The following PPARGC1A variants were observed in gnomAD, a reference collection of about 807,000 sequenced individuals.
PPARGC1A encodes the protein PPARG coactivator 1 alpha, also known as peroxisome proliferator-activated receptor gamma coactivator 1-alpha.
PPARGC1A carries 25 observed loss-of-function variants against 88.7 expected under a neutral mutation model. The ratio of observed to expected loss-of-function variants is 0.28; its 90% CI spans 0.21 to 0.39. PPARGC1A has a LOEUF of 0.39. Among genes scored for constraint, PPARGC1A ranks in the 10% least tolerant of loss-of-function variants. The probability of loss-of-function intolerance (pLI) is 1.00; values close to 1 mark genes in which losing one functional copy is unlikely to be tolerated. For missense variants in PPARGC1A, 880 were observed against 968.7 expected (o/e 0.91, Z 1.22); for synonymous variants, 363 against 355.6 (o/e 1.02, Z -0.24).
the PPARGC1A span, among the ~76,000 whole-genome samples, chr4:24,000,931 TA>T: frequency 7.9e-5 from 12 of 152,208 alleles, no homozygotes; most frequent in African/African-American, 2.9e-4. Flanking sequence ...CTAAGATGAA[TA>T]AGGGAGCTAC....
At chr4:23,802,616 G>T (rs566652936) in intron 10 of PPARGC1A, among the ~76,000 whole-genome samples, 19 of 146,700 alleles carry the variant, frequency 1.3e-4, no homozygotes, top group African/African-American at 4.3e-4. Context: ...GGCAGAGGTT[G>T]CAGTGAGCTG....
chr4:24,223,611 T>C, the PPARGC1A span, among the ~76,000 whole-genome samples: 1 of 152,194 alleles, frequency 6.6e-6, no homozygotes, highest in Non-Finnish European at 1.5e-5. Flanking sequence ...AATGTATACA[T>C]GTAAAGTGGT....
chr4:24,317,608 A>T, the PPARGC1A span, among the ~76,000 whole-genome samples: 4 of 147,006 alleles, frequency 2.7e-5, no homozygotes, highest in Non-Finnish European at 4.5e-5. Context: ...ACCACCACCA[A>T]AAGGGCTGGC....
At chr4:23,961,276 A>G in the PPARGC1A span, among the ~76,000 whole-genome samples, 1 of 152,096 alleles carries the variant, frequency 6.6e-6, no homozygotes, top group African/African-American at 2.4e-5. Flanking sequence ...TCGAAAGAAG[A>G]AGGTCAAAAT....
At chr4:24,310,499 A>AT in the PPARGC1A span, among the ~76,000 whole-genome samples, 1 of 152,178 alleles carries the variant, frequency 6.6e-6, no homozygotes, top group African/African-American at 2.4e-5. Context: ...GAGAGAAAAA[A>AT]CTGTTTTTCT....
chr4:24,042,997 G>A, the PPARGC1A span, among the ~76,000 whole-genome samples: 1 of 152,172 alleles, frequency 6.6e-6, no homozygotes, highest in Non-Finnish European at 1.5e-5. Flanking sequence ...TACCAAGAGA[G>A]TGCCTCAAAA....
intron 2 of PPARGC1A, among the ~76,000 whole-genome samples, chr4:23,842,851 T>C (rs955881079): frequency 1.3e-5 from 2 of 152,180 alleles, no homozygotes; most frequent in Non-Finnish European, 2.9e-5. Context: ...GAGTAGTGTG[T>C]AAATCAAGTT....
the PPARGC1A span, among the ~76,000 whole-genome samples, chr4:24,006,663 C>A: frequency 6.6e-6 from 1 of 152,202 alleles, no homozygotes; most frequent in East Asian, 1.9e-4. Flanking sequence ...TTGATAGCCA[C>A]AATGTCTTTC....
At chr4:23,906,095 T>C (rs1719995512), upstream of PPARGC1A, among the ~76,000 whole-genome samples, 1 of 152,184 alleles carries the variant, frequency 6.6e-6, no homozygotes, top group Admixed American at 6.5e-5. Flanking sequence ...AAATTTGATC[T>C]GACATACCAT....
chr4:24,282,050 T>C, the PPARGC1A span, among the ~76,000 whole-genome samples: 1 of 151,022 alleles, frequency 6.6e-6, no homozygotes, highest in African/African-American at 2.4e-5. Flanking sequence ...AGGATGTTTA[T>C]TACATCAATA....
At chr4:24,436,099 A>G in the PPARGC1A span, among the ~76,000 whole-genome samples, 1 of 152,164 alleles carries the variant, frequency 6.6e-6, no homozygotes, top group Middle Eastern at 3.2e-3. Flanking sequence ...AATTCCTTAT[A>G]TTGCATATTC....
At chr4:24,353,283 C>A in the PPARGC1A span, among the ~76,000 whole-genome samples, 2 of 149,506 alleles carry the variant, frequency 1.3e-5, no homozygotes, top group African/African-American at 5.0e-5. Flanking sequence ...AGCCACAAAG[C>A]ATTGCTGATT....
the PPARGC1A span, among the ~76,000 whole-genome samples, chr4:24,002,403 G>A: frequency 1.3e-5 from 2 of 152,030 alleles, no homozygotes; most frequent in Non-Finnish European, 2.9e-5. Flanking sequence ...TGGGATTACA[G>A]GTGTGAGCCA....
the PPARGC1A span, among the ~76,000 whole-genome samples, chr4:24,437,218 C>T: frequency 6.6e-6 from 1 of 152,226 alleles, no homozygotes; most frequent in African/African-American, 2.4e-5. Context: ...GCCTCAGGGA[C>T]CACCTCTAGC....
At chr4:24,320,392 T>C in the PPARGC1A span, among the ~76,000 whole-genome samples, 1 of 152,210 alleles carries the variant, frequency 6.6e-6, no homozygotes, top group Non-Finnish European at 1.5e-5. Context: ...TTCTACCAGA[T>C]TTACATTTAC....
chr4:24,278,784 T>C, the PPARGC1A span, among the ~76,000 whole-genome samples: 1 of 151,910 alleles, frequency 6.6e-6, no homozygotes, highest in South Asian at 2.1e-4. Flanking sequence ...AACAACAAAG[T>C]CGTATGATTT....
At chr4:24,195,085 C>A in the PPARGC1A span, among the ~76,000 whole-genome samples, 3 of 152,036 alleles carry the variant, frequency 2.0e-5, no homozygotes, top group African/African-American at 7.2e-5. Flanking sequence ...GATATAGATA[C>A]AGATATCTCA....
the PPARGC1A span, among the ~76,000 whole-genome samples, chr4:24,367,829 T>C: frequency 0.37 from 56,414 of 151,916 alleles, 10,693 homozygotes; most frequent in African/African-American, 0.43. Flanking sequence ...GTAGGTGGTG[T>C]TTTGTAACAA....
intron 2 of PPARGC1A, among the ~76,000 whole-genome samples, chr4:23,857,241 T>A (rs1176128474): frequency 6.6e-6 from 1 of 151,324 alleles, no homozygotes; most frequent in Non-Finnish European, 1.5e-5. Context: ...TGTGACAATA[T>A]AAAAGGCAAC....
Sources: gnomAD v4.1 joint callset for allele counts (sites outside exome capture counted in the v4.1 genomes callset) on GRCh38, gnomAD v4.1.1 for gene constraint, MANE v1.5 for transcripts, NCBI Gene and HGNC (gene_info 2026-07-23, HGNC 2026-07-21) for gene names.